Variants in CNTN5 observed in about 807,000 individuals in gnomAD.
CNTN5 encodes contactin-5.
In CNTN5, 77 loss-of-function variants were observed where a neutral mutation model predicts 129.1. The ratio of observed to expected loss-of-function variants is 0.60; its 90% CI spans 0.50 to 0.72. CNTN5 has a LOEUF of 0.72. Among genes scored for constraint, CNTN5 ranks in the 30% least tolerant of loss-of-function variants. The pLI is 0.00. For missense variants in CNTN5, 1,478 were observed against 1,328.8 expected, an observed-to-expected ratio of 1.11 and a Z score of -1.75; for synonymous variants, 509 against 465.6, an observed-to-expected ratio of 1.09 and a Z score of -1.20.
intron 4 of CNTN5, among the ~76,000 whole-genome samples, chr11:99,833,758 A>G (rs145650561): frequency 1.3e-5 from 2 of 152,156 alleles, no homozygotes; most frequent in African/African-American, 4.8e-5. Context: ...GAACTTGATC[A>G]TCCTGTTCAA....
At chr11:99,325,983 G>A (rs913494504) in intron 2 of CNTN5, among the ~76,000 whole-genome samples, 1 of 152,132 alleles carries the variant, frequency 6.6e-6, no homozygotes, top group Non-Finnish European at 1.5e-5. Context: ...CCAGGGAACG[G>A]GGATCTTCTG....
chr11:99,143,873 T>C (rs1859654192), intron 1 of CNTN5, among the ~76,000 whole-genome samples: 1 of 151,996 alleles, frequency 6.6e-6, no homozygotes, highest in Non-Finnish European at 1.5e-5. Flanking sequence ...AAGAGGAGGG[T>C]GGGAATTACA....
intron 13 of CNTN5, among the ~76,000 whole-genome samples, chr11:100,076,205 G>A (rs1029164613): frequency 2.0e-5 from 3 of 152,052 alleles, no homozygotes; most frequent in Non-Finnish European, 4.4e-5. Context: ...TTTTCTGGAC[G>A]TATTAAAAAG....
chr11:99,981,625 T>C (rs1938355213), intron 8 of CNTN5, among the ~76,000 whole-genome samples: 1 of 152,178 alleles, frequency 6.6e-6, no homozygotes, highest in Admixed American at 6.5e-5. Context: ...CAATTAAAAT[T>C]AACCATCACA....
intron 3 of CNTN5, among the ~76,000 whole-genome samples, chr11:99,728,555 T>C (rs888215791): frequency 6.6e-6 from 1 of 152,240 alleles, no homozygotes; most frequent in Admixed American, 6.5e-5. Flanking sequence ...GATAACGATC[T>C]GCTGTCAAAG....
intron 1 of CNTN5, among the ~76,000 whole-genome samples, chr11:99,222,691 G>T (rs1250916815): frequency 6.6e-6 from 1 of 152,014 alleles, no homozygotes; most frequent in Non-Finnish European, 1.5e-5. Context: ...CACATTTCTG[G>T]ATTTGTTATT....
intron 2 of CNTN5, among the ~76,000 whole-genome samples, chr11:99,344,098 A>G (rs138249764): frequency 6.6e-6 from 1 of 152,314 alleles, no homozygotes; most frequent in African/African-American, 2.4e-5. Flanking sequence ...CCAGCCCCAC[A>G]TCTCCTCAAC....
At chr11:99,395,404 T>C (rs932452726) in intron 2 of CNTN5, among the ~76,000 whole-genome samples, 2 of 151,968 alleles carry the variant, frequency 1.3e-5, no homozygotes, top group African/African-American at 4.8e-5. Flanking sequence ...GGTTTTCTTG[T>C]AAATTTCTTT....
chr11:99,779,144 A>G (rs192928473), intron 3 of CNTN5, among the ~76,000 whole-genome samples: 2 of 152,078 alleles, frequency 1.3e-5, no homozygotes, highest in African/African-American at 2.4e-5. Flanking sequence ...AAACATTTGC[A>G]TATTTAGGAG....
chr11:99,247,489 T>C (rs987024269), intron 1 of CNTN5, among the ~76,000 whole-genome samples: 1 of 151,900 alleles, frequency 6.6e-6, no homozygotes, highest in African/African-American at 2.4e-5. Context: ...ACTTTAAGTT[T>C]TAGGGTACAT....
chr11:99,559,348 A>G (rs1486716652), intron 3 of CNTN5, among the ~76,000 whole-genome samples: 2 of 152,118 alleles, frequency 1.3e-5, no homozygotes, highest in Non-Finnish European at 2.9e-5. Flanking sequence ...TCTACGGATT[A>G]TCTTGGGTGT....
intron 3 of CNTN5, among the ~76,000 whole-genome samples, chr11:99,766,737 AT>A (rs747060201): frequency 6.6e-6 from 1 of 152,034 alleles, no homozygotes; most frequent in Admixed American, 6.6e-5. Flanking sequence ...TTTAAAGCAG[AT>A]TTTTTATGCT....
chr11:99,692,866 A>T (rs1954099200), intron 3 of CNTN5, among the ~76,000 whole-genome samples: 1 of 152,172 alleles, frequency 6.6e-6, no homozygotes. Flanking sequence ...TATTGATATC[A>T]TTAGAATAGT....
At chr11:99,843,075 A>G (rs1393587615) in intron 4 of CNTN5, among the ~76,000 whole-genome samples, 1 of 152,166 alleles carries the variant, frequency 6.6e-6, no homozygotes, top group African/African-American at 2.4e-5. Context: ...TACTAAAAAT[A>G]CAAAAATTAG....
At chr11:99,356,116 G>T (rs532425991) in intron 2 of CNTN5, among the ~76,000 whole-genome samples, 9 of 151,944 alleles carry the variant, frequency 5.9e-5, no homozygotes, top group African/African-American at 2.2e-4. Context: ...GTGAGCCACC[G>T]CGCCCGGCCT....
At chr11:99,962,685 G>T (rs1950982089) in intron 8 of CNTN5, among the ~76,000 whole-genome samples, 1 of 150,936 alleles carries the variant, frequency 6.6e-6, no homozygotes, top group African/African-American at 2.5e-5. Flanking sequence ...TAATGGGATG[G>T]CTGGGTCAAA....
At chr11:100,194,210 C>G (rs182648552) in intron 15 of CNTN5, among the ~76,000 whole-genome samples, 2 of 151,916 alleles carry the variant, frequency 1.3e-5, no homozygotes, top group African/African-American at 4.8e-5. Context: ...GGCAATCAAC[C>G]AAATGGAGTG....
At chr11:99,240,255 G>A (rs1034268585) in intron 1 of CNTN5, among the ~76,000 whole-genome samples, 7 of 152,100 alleles carry the variant, frequency 4.6e-5, no homozygotes, top group Non-Finnish European at 1.0e-4. Context: ...AAAGTGTGGG[G>A]ACGAAATTAA....
intron 1 of CNTN5, among the ~76,000 whole-genome samples, chr11:99,310,165 G>T (rs1335745714): frequency 2.0e-5 from 3 of 152,004 alleles, no homozygotes; most frequent in African/African-American, 7.2e-5. Context: ...TTGTGAATAC[G>T]CACGCATAAG....
Sources: gnomAD v4.1 joint callset for allele counts (sites outside exome capture counted in the v4.1 genomes callset) on GRCh38, gnomAD v4.1.1 for gene constraint, MANE v1.5 for transcripts, NCBI Gene and HGNC (gene_info 2026-07-23, HGNC 2026-07-21) for gene names.